The following DDX21 variants were observed in gnomAD, a reference collection of about 807,000 sequenced individuals.
DDX21 encodes the protein nucleolar RNA helicase 2.
Under a neutral mutation model 90.0 loss-of-function variants are expected in DDX21, and 18 were observed. That is an observed-to-expected ratio of 0.20 (90% confidence interval 0.14 to 0.30). DDX21 has a LOEUF of 0.30. Among genes scored for constraint, DDX21 ranks in the 10% least tolerant of loss-of-function variants. The pLI is 1.00. For synonymous variants in DDX21, 294 were observed against 318.0 expected, an observed-to-expected ratio of 0.92 and a Z score of 0.80; for missense variants, 673 against 944.5, an observed-to-expected ratio of 0.71 and a Z score of 3.77.
intron 9 of DDX21, among the ~76,000 whole-genome samples, chr10:68,972,827 C>G (rs1004964985): frequency 5.3e-5 from 8 of 151,968 alleles, no homozygotes; most frequent in Admixed American, 1.3e-4. Flanking sequence ...TGAAGACTTA[C>G]GAAAAAATAC....
chr10:68,959,668 A>C, intron 1 of DDX21, 138 bp from the exon 2 acceptor site: 1 of 660,292 alleles, frequency 1.5e-6, no homozygotes, highest in Non-Finnish European at 2.4e-6. Context: ...CACAGCATGA[A>C]AGTACAAATG....
At chr10:68,963,150 C>G in intron 3 of DDX21, 141 bp from the exon 4 acceptor site, 4 of 817,344 alleles carry the variant, frequency 4.9e-6, no homozygotes, top group Non-Finnish European at 7.3e-6. Flanking sequence ...CGTATTTGAG[C>G]CTAACTTTGT....
At chr10:68,979,226 G>C (rs973269583) in intron 13 of DDX21, among the ~76,000 whole-genome samples, 9 of 152,088 alleles carry the variant, frequency 5.9e-5, no homozygotes, top group African/African-American at 2.2e-4. Context: ...TACCTAAATA[G>C]CTTATTTAAA....
intron 13 of DDX21, among the ~76,000 whole-genome samples, chr10:68,980,491 C>T (rs1045334288): frequency 1.3e-5 from 2 of 152,138 alleles, no homozygotes; most frequent in African/African-American, 4.8e-5. Context: ...TTATACTCTA[C>T]TTCGTAAATA....
At chr10:68,956,562 G>T in intron 1 of DDX21, 1 of 1,339,670 alleles carries the variant, frequency 7.5e-7, no homozygotes, top group Non-Finnish European at 9.6e-7. Context: ...GCATCCACAG[G>T]TCGGAACTCT....
Position 68,964,712 on chromosome 10 carries a change from G to A in DDX21, c.787-665G>A, listed in dbSNP as rs891636426. ...AAAGTCTCGCTTTGTCGCCCAGGTT[G>A]GAGTGCGGTGGTGCAATCTTAACCT... On this transcript the variant is annotated intron_variant, in intron 4 of 14. Coordinates refer to ENST00000354185, the MANE Select transcript of DDX21 (RefSeq NM_004728.4). 1.1e-4 allele frequency among the ~76,000 whole-genome samples: 14 copies of A among 129,570 alleles called. No homozygotes were observed. The South Asian group carries it at 1.3e-3, about 12-fold the overall frequency. The allele number at this position is 129,570 out of a possible 152,430, so 85.0% of individuals were successfully genotyped here. A position where few individuals can be genotyped will look rare whatever the true frequency, so the allele number is the denominator to read the frequency against.
chr10:68,956,658 A>G (rs963678814), intron 1 of DDX21: 39 of 1,128,126 alleles, frequency 3.5e-5, no homozygotes, highest in Non-Finnish European at 4.3e-5. Flanking sequence ...CACAGTGCGC[A>G]GAGTTGGACC....
Position 68,964,766 on chromosome 10 carries a change from G to T in DDX21, c.787-611G>T, listed in dbSNP as rs578234570. ...CCTCGCAGGTTTAAGTGATCCTCCC[G>T]CCTCAACATCCCAAGTAGTTGGGAT... On this transcript the variant is annotated intron_variant, in intron 4 of 14. Coordinates refer to ENST00000354185, the MANE Select transcript of DDX21 (RefSeq NM_004728.4). Among the ~76,000 whole-genome samples, 3 of 142,166 alleles carry T rather than the reference G, an allele frequency of 2.1e-5. No homozygotes were observed. The South Asian group carries it at 7.2e-4, about 34-fold the overall frequency. The allele number at this position is 142,166 out of a possible 152,430, so 93.3% of individuals were successfully genotyped here.
intron 8 of DDX21, among the ~76,000 whole-genome samples, chr10:68,970,583 T>A (rs889246940): frequency 6.6e-6 from 1 of 151,180 alleles, no homozygotes; most frequent in African/African-American, 2.4e-5. Context: ...TGAGTTCAAG[T>A]GATTCTCCCA....
At chr10:68,973,796 T>C in intron 10 of DDX21, 132 bp downstream of exon 10, 3 of 1,208,254 alleles carry the variant, frequency 2.5e-6, no homozygotes, top group Non-Finnish European at 3.3e-6. Flanking sequence ...TATTGTTAGG[T>C]ACATATGTTG....
Position 68,965,421 on chromosome 10 carries a change from C to T in DDX21, c.831C>T (p.Ser277=). ...APTRELANQV[S]KDFSDITKKL... ...CAAGAGAGTTGGCAAATCAAGTAAG[C>T]AAAGACTTCAGTGACATCACAAAAA... Residue 277 remains serine, a synonymous_variant, in exon 5 of 15, where the codon AGC becomes AGT. Coordinates refer to ENST00000354185, the MANE Select transcript of DDX21 (RefSeq NM_004728.4). 6.2e-7 allele frequency: 1 copy of T among 1,613,914 alleles called. No individual in the cohort carries two copies. Among genetic ancestry groups the T allele is most frequent in the South Asian group, 1.1e-5 (1 of 91,084 alleles).
Position 68,969,209 on chromosome 10 carries a change from C to T in DDX21, c.1236+88C>T. ...ATTAAGACTGGCAAATGCTCTTTTTCCAGATAAATACTAAATCCATGTGAA... is the reference window on the plus strand; with the variant it reads ...ATTAAGACTGGCAAATGCTCTTTTTTCAGATAAATACTAAATCCATGTGAA... On this transcript the variant is annotated intron_variant, in intron 7 of 14. Transcript: ENST00000354185. 7.2e-6 allele frequency: 9 copies of T among 1,255,616 alleles called. No individual in the cohort carries two copies. The South Asian group carries it at 1.1e-4, about 15-fold the overall frequency. 77.8% of individuals were successfully genotyped at this position (1,255,616 alleles called of 1,614,324 possible).
intron 14 of DDX21, 82 bp downstream of exon 14, chr10:68,981,663 G>C: frequency 8.2e-7 from 1 of 1,214,900 alleles, no homozygotes; most frequent in Non-Finnish European, 1.2e-6. Flanking sequence ...AATAGATTGG[G>C]AAACAATAGT....
Position 68,956,172 on chromosome 10 carries a change from C to T in DDX21, c.-54C>T, listed in dbSNP as rs1413986283. 4 of 1,587,426 alleles carry T rather than the reference C, an allele frequency of 2.5e-6. No homozygotes were observed. The highest frequency in any genetic ancestry group is 1.7e-5 in the Admixed American group (1 of 58,212). On this transcript the variant is annotated 5_prime_UTR_variant, in exon 1 of 15. Coordinates refer to ENST00000354185, the MANE Select transcript of DDX21 (RefSeq NM_004728.4). The stretch of plus-strand genomic sequence containing the variant: ...GTGGACCCAGGGTGGGGAACTACCT[C>T]TTCCTCTCCACGCGGTTGAGAAGAC...
chr10:68,972,546 C>T (rs1445011560), intron 9 of DDX21, among the ~76,000 whole-genome samples: 1 of 152,098 alleles, frequency 6.6e-6, no homozygotes, highest in Non-Finnish European at 1.5e-5. Context: ...ACATGAGGAC[C>T]CCAAAATCTC....
chr10:68,967,272 CA>C, intron 6 of DDX21, 69 bp downstream of exon 6: 1 of 1,480,252 alleles, frequency 6.8e-7, no homozygotes, highest in Admixed American at 2.0e-5. Context: ...CTCCTGGGTT[CA>C]AGTGACTCTC....
intron 1 of DDX21, chr10:68,956,522 G>C: frequency 7.0e-7 from 1 of 1,418,560 alleles, no homozygotes; most frequent in Non-Finnish European, 9.2e-7. Context: ...CAGGTCCGCC[G>C]TGCGCTGACC....
At chr10:68,968,657 G>T (rs1373032223) in intron 6 of DDX21, among the ~76,000 whole-genome samples, 1 of 152,158 alleles carries the variant, frequency 6.6e-6, no homozygotes, top group Non-Finnish European at 1.5e-5. Flanking sequence ...GATTGGACAA[G>T]AATTCTAAAT....
chr10:68,965,557 T>C (rs982669612), intron 5 of DDX21, 63 bp downstream of exon 5: 8 of 1,234,642 alleles, frequency 6.5e-6, no homozygotes, highest in Admixed American at 5.4e-5. Context: ...TCTGATTGGA[T>C]TTCTTTTCAC....
Sources: gnomAD v4.1 joint callset for allele counts (sites outside exome capture counted in the v4.1 genomes callset) on GRCh38, gnomAD v4.1.1 for gene constraint, MANE v1.5 for transcripts, NCBI Gene and HGNC (gene_info 2026-07-23, HGNC 2026-07-21) for gene names.